AKR1E2: variants seen among roughly 807,000 people sequenced by gnomAD.
The protein encoded by AKR1E2 is aldo-keto reductase family 1 member E2, also known as 1,5-anhydro-D-fructose reductase.
In AKR1E2, 43 loss-of-function variants were observed where a neutral mutation model predicts 41.9. That is an observed-to-expected ratio of 1.03 (90% CI 0.80 to 1.32). The LOEUF (loss-of-function observed/expected upper bound fraction) is 1.32, where lower values mean the gene tolerates loss of function less well. Ranked by LOEUF, AKR1E2 falls within the 40% of genes most tolerant of loss-of-function variation. The pLI is 0.00. For missense variants in AKR1E2, 423 were observed against 396.5 expected, an observed-to-expected ratio of 1.07 and a Z score of -0.57; for synonymous variants, 121 against 138.9, an observed-to-expected ratio of 0.87 and a Z score of 0.91.
chr10:4,841,606 T>A (rs1417500934), intron 6 of AKR1E2, among the ~76,000 whole-genome samples, 179 bp from the exon 7 acceptor site: 1 of 152,218 alleles, frequency 6.6e-6, no homozygotes, highest in African/African-American at 2.4e-5. Context: ...TAGCAGTGGT[T>A]ATCTCCATAC....
the AKR1E2 span, among the ~76,000 whole-genome samples, chr10:4,869,934 T>C: frequency 0.22 from 33,097 of 151,920 alleles, 3,824 homozygotes; most frequent in Middle Eastern, 0.33. Flanking sequence ...TTTCTATATG[T>C]TGTGGTTTGT....
chr10:4,825,462 T>C (rs950430950), upstream of AKR1E2, among the ~76,000 whole-genome samples: 4 of 151,998 alleles, frequency 2.6e-5, no homozygotes, highest in African/African-American at 9.7e-5. Context: ...GGGTGTCCAG[T>C]CCACCCCATC....
At chr10:4,856,000 C>T in the AKR1E2 span, among the ~76,000 whole-genome samples, 1 of 152,178 alleles carries the variant, frequency 6.6e-6, no homozygotes, top group African/African-American at 2.4e-5. Flanking sequence ...GTCTGCTGTC[C>T]TAGCCTGCAC....
chr10:4,871,359 G>A, the AKR1E2 span, among the ~76,000 whole-genome samples: 2 of 151,812 alleles, frequency 1.3e-5, no homozygotes, highest in Non-Finnish European at 2.9e-5. Context: ...CCTTGTTCTT[G>A]GTATGATAAG....
At position 4,847,644 on chromosome 10, in the gene AKR1E2, C is replaced by T; in HGVS notation, c.*114C>T. ...GCAGCTGTGCCTGGGACAGGAGCCACACAGTCAGAGGGGGATGTAAGAGCC... is the reference window on the plus strand; with the variant it reads ...GCAGCTGTGCCTGGGACAGGAGCCATACAGTCAGAGGGGGATGTAAGAGCC... On this transcript the variant is annotated 3_prime_UTR_variant, in exon 10 of 10. Coordinates refer to ENST00000298375, the MANE Select transcript of AKR1E2 (RefSeq NM_001040177.3). 7.9e-7 allele frequency: 1 copy of T among 1,270,410 alleles called. No individual in the cohort carries two copies. The highest frequency in any genetic ancestry group is 1.1e-6 in the Non-Finnish European group (1 of 889,468). The allele number at this position is 1,270,410 out of a possible 1,614,324, so 78.7% of individuals were successfully genotyped here. A position where few individuals can be genotyped will look rare whatever the true frequency, so the allele number is the denominator to read the frequency against.
chr10:4,861,318 C>T, the AKR1E2 span, among the ~76,000 whole-genome samples: 2 of 152,058 alleles, frequency 1.3e-5, no homozygotes, highest in African/African-American at 4.8e-5. Context: ...AGCACATTAG[C>T]AAATATAGAA....
chr10:4,854,836 G>A, the AKR1E2 span, among the ~76,000 whole-genome samples: 1 of 149,818 alleles, frequency 6.7e-6, no homozygotes, highest in African/African-American at 2.4e-5. Context: ...CCTTGGGTTA[G>A]AGGCCCAACT....
At chr10:4,857,930 ACC>A in the AKR1E2 span, among the ~76,000 whole-genome samples, 1 of 152,076 alleles carries the variant, frequency 6.6e-6, no homozygotes. Flanking sequence ...TTTTTGAAGA[ACC>A]AACTCATTGT....
At position 4,830,547 on chromosome 10, in the gene AKR1E2, T is replaced by C. The variant is rs1246527346; in HGVS notation, c.40-128T>C. ...CTGATATTGCCTGTTTTTAGACTGA[T>C]TATACTAGTACCAAATTAGTGACTT... On this transcript the variant is annotated intron_variant, in intron 1 of 9. Transcript: ENST00000298375. The C allele has an allele frequency of 4.9e-6, 5 of 1,012,904 alleles. 1 individual carries two copies. The Admixed American group carries it at 1.2e-4, about 25-fold the overall frequency. 62.7% of individuals were successfully genotyped at this position (1,012,904 alleles called of 1,614,324 possible).
rs1280523665 is a variant in AKR1E2, at chr10:4,847,641, CCA to C, written c.*116_*117del. On this transcript the variant is annotated 3_prime_UTR_variant, in exon 10 of 10. Coordinates refer to ENST00000298375, the MANE Select transcript of AKR1E2 (RefSeq NM_001040177.3). ...AGGGCAGCTGTGCCTGGGACAGGAG[CCA>C]CACAGTCAGAGGGGGATGTAAGAGC... The C allele has an allele frequency of 1.6e-6, 2 of 1,289,132 alleles. No individual in the cohort carries two copies. The highest frequency in any genetic ancestry group is 3.0e-5 in the African/African-American group (2 of 67,284). The allele number at this position is 1,289,132 out of a possible 1,614,324, so 79.9% of individuals were successfully genotyped here.
At position 4,835,699 on chromosome 10, in the gene AKR1E2, A is replaced by G. The variant is rs1833356274; in HGVS notation, c.349A>G (p.Ser117Gly). ...FKPPHPEWIM[S>G]CSELSFCLSH... ...GCCTCCTCATCCAGAATGGATCATG[A>G]GCTGCAGTGAACTTTCCTTCTGCCT... Residue 117 changes from serine (S) to glycine (G), a missense_variant, in exon 4 of 10, where the codon AGC (serine) becomes GGC (glycine). Ser to Gly is a moderately conservative substitution (Grantham distance 56). Coordinates refer to ENST00000298375, the MANE Select transcript of AKR1E2 (RefSeq NM_001040177.3). 1 of 1,613,948 alleles carries G rather than the reference A, an allele frequency of 6.2e-7. No homozygotes were observed. Among genetic ancestry groups the G allele is most frequent in the Admixed American group, 1.7e-5 (1 of 59,998 alleles).
the AKR1E2 span, among the ~76,000 whole-genome samples, chr10:4,869,347 T>G: frequency 3.3e-5 from 5 of 152,156 alleles, no homozygotes; most frequent in Non-Finnish European, 5.9e-5. Context: ...CCATCCTGTT[T>G]ATTTCTACAG....
chr10:4,862,773 G>C, the AKR1E2 span, among the ~76,000 whole-genome samples: 1 of 152,050 alleles, frequency 6.6e-6, no homozygotes, highest in African/African-American at 2.4e-5. Context: ...AGGAAGATCT[G>C]CCAAGCAAAT....
In AKR1E2 at chr10:4,833,512, T is replaced by G. The variant is rs780240986; in HGVS notation, c.324+46T>G. ...CGTTCTGCAGTTTGCAGGACCTTCC[T>G]CCCCGTGCTCACACCCTGTCTTGCG... On this transcript the variant is annotated intron_variant, in intron 3 of 9. Coordinates refer to ENST00000298375, the MANE Select transcript of AKR1E2 (RefSeq NM_001040177.3). 6 of 1,507,668 alleles carry G rather than the reference T, an allele frequency of 4.0e-6. No individual in the cohort carries two copies. In the East Asian group the frequency reaches 1.4e-4, roughly 34 times the overall value. The allele number at this position is 1,507,668 out of a possible 1,614,324, so 93.4% of individuals were successfully genotyped here.
chr10:4,846,477 G>A (rs1297497485), intron 8 of AKR1E2, among the ~76,000 whole-genome samples: 1 of 152,124 alleles, frequency 6.6e-6, no homozygotes, highest in Admixed American at 6.5e-5. Flanking sequence ...CTAGTTGGCA[G>A]GTGTATGGAA....
chr10:4,849,860 T>G (rs1239562166), downstream of AKR1E2, among the ~76,000 whole-genome samples: 2 of 152,206 alleles, frequency 1.3e-5, no homozygotes, highest in South Asian at 2.1e-4. Context: ...AATGGTCCAG[T>G]GCATCTGCGG....
downstream of AKR1E2, among the ~76,000 whole-genome samples, chr10:4,849,296 G>C: frequency 6.6e-6 from 1 of 151,872 alleles, no homozygotes; most frequent in Admixed American, 6.6e-5. Context: ...TTCCATGTTC[G>C]TGACTCCTTA....
the AKR1E2 span, among the ~76,000 whole-genome samples, chr10:4,858,448 C>T: frequency 1.3e-5 from 2 of 152,134 alleles, no homozygotes; most frequent in Admixed American, 1.3e-4. Flanking sequence ...TTGGTCTTTA[C>T]CACAATATTA....
At chr10:4,867,390 C>A in the AKR1E2 span, among the ~76,000 whole-genome samples, 1 of 152,222 alleles carries the variant, frequency 6.6e-6, no homozygotes, top group Non-Finnish European at 1.5e-5. Flanking sequence ...CAAAACATTT[C>A]CGTCACCATG....
Sources: gnomAD v4.1 joint callset for allele counts (sites outside exome capture counted in the v4.1 genomes callset) on GRCh38, gnomAD v4.1.1 for gene constraint, MANE v1.5 for transcripts, NCBI Gene and HGNC (gene_info 2026-07-23, HGNC 2026-07-21) for gene names.